Variants in NLRP1 observed in about 807,000 individuals in gnomAD.
NLRP1 encodes NLR family pyrin domain containing 1, also known as NACHT, LRR and PYD domains-containing protein 1.
Under a neutral mutation model 136.7 loss-of-function variants are expected in NLRP1, and 94 were observed. That is an observed-to-expected ratio of 0.69 (90% confidence interval 0.58 to 0.82). The LOEUF (loss-of-function observed/expected upper bound fraction) is 0.82, where lower values mean the gene tolerates loss of function less well. NLRP1 is among the 40% of genes least tolerant of loss of function. The pLI is 0.00. For missense variants in NLRP1, 1,575 were observed against 1,802.7 expected (o/e 0.87, Z 2.29); for synonymous variants, 690 against 725.1 (o/e 0.95, Z 0.78).
intron 12 of NLRP1, among the ~76,000 whole-genome samples, chr17:5,523,307 A>G (rs1909130155): frequency 6.6e-6 from 1 of 152,060 alleles, no homozygotes. Flanking sequence ...ACAAAAAACA[A>G]AAAACAAAAT....
At position 5,583,501 on chromosome 17, in the gene NLRP1, C is replaced by G. The variant is rs199476207; in HGVS notation, c.271+186G>C. On this transcript the variant is annotated intron_variant, in intron 1 of 16. Transcript: ENST00000572272. This position sits in a 1 kb window ranked among gnomAD's most constrained non-coding sequence, Gnocchi z 4.5. ...TGGGGCTCTGAGGTGCAGCAAGGGC[C>G]CCCCCAGCAAGCCTCCTGGCTCCAG... is the stretch of plus-strand genomic sequence containing the variant. Among the ~76,000 whole-genome samples the G allele has an allele frequency of 8.5e-5, 13 of 152,134 alleles. No individual in the cohort carries two copies. In the South Asian group the frequency reaches 2.3e-3, roughly 27 times the overall value.
At position 5,553,404 on chromosome 17, in the gene NLRP1, C is replaced by T. The variant is rs200457047; in HGVS notation, c.2510G>A (p.Cys837Tyr). The T allele has an allele frequency of 8.7e-6, 14 of 1,613,140 alleles. No homozygotes were observed. The highest frequency in any genetic ancestry group is 2.2e-5 in the East Asian group (1 of 44,886). Residue 837 changes from cysteine to tyrosine, a missense_variant, in exon 5 of 17, where the codon TGC becomes TAC. By Grantham distance (194) the Cys-to-Tyr change is radical (BLOSUM62 -2). Transcript: ENST00000572272. ...GACTCACCGCAGGGTCTCCAGGAGG[C>T]AGCGAGGGCGTCTCAGGGTCTTACA... is the stretch of plus-strand genomic sequence containing the variant. Reference protein sequence around the residue: ...SLCKTLRRPRCLLETLRLAGC... With the variant: ...SLCKTLRRPRYLLETLRLAGC...
In NLRP1 at chr17:5,521,681, T is replaced by A. The variant is rs971660228; in HGVS notation, c.3626A>T (p.Asn1209Ile). 5.6e-6 allele frequency: 9 copies of A among 1,613,318 alleles called. No individual in the cohort carries two copies. In the Admixed American group the frequency reaches 8.3e-5, roughly 15 times the overall value. ...GACTCCCAAGGGGGAGAAGCTGGGG[T>A]TTTCCAGAACTATGTGATGCAGCTC... Reference protein sequence around the residue: ...RVELHHIVLENPSFSPLGVLL... With the variant: ...RVELHHIVLEIPSFSPLGVLL... The change falls in exon 13 of 17, where the codon AAC becomes ATC. Residue 1209 changes from asparagine to isoleucine, a missense_variant. Physicochemically the swap from Asn to Ile is moderately radical, Grantham distance 149 (BLOSUM62 -3). Coordinates refer to ENST00000572272, the MANE Select transcript of NLRP1 (RefSeq NM_033004.4).
intron 3 of NLRP1, among the ~76,000 whole-genome samples, chr17:5,563,117 C>A (rs1177522790): frequency 3.9e-5 from 6 of 152,210 alleles, no homozygotes; most frequent in East Asian, 1.9e-4. Flanking sequence ...ACAAAAAAAA[C>A]CCCATCCAAA....
intron 11 of NLRP1, 80 bp downstream of exon 11, chr17:5,532,742 C>T (rs987400127): frequency 1.5e-4 from 193 of 1,314,216 alleles, no homozygotes; most frequent in South Asian, 1.9e-4. Flanking sequence ...TAGGGGGTGG[C>T]GCTGACTGTC....
At chr17:5,521,108 A>G in intron 13 of NLRP1, 96 bp from the exon 14 acceptor site, 2 of 1,289,622 alleles carry the variant, frequency 1.6e-6, no homozygotes, top group South Asian at 1.5e-5. Context: ...TTGTGTGGAC[A>G]GAGTGGGGCT....
downstream of NLRP1, among the ~76,000 whole-genome samples, chr17:5,509,256 GAGT>G (rs1010702382): frequency 6.6e-6 from 1 of 152,178 alleles, no homozygotes; most frequent in Non-Finnish European, 1.5e-5. Flanking sequence ...GCTAACCTGT[GAGT>G]AGCACTCAAT....
intron 5 of NLRP1, among the ~76,000 whole-genome samples, chr17:5,547,617 A>G (rs1912840500): frequency 1.3e-5 from 2 of 152,240 alleles, no homozygotes; most frequent in Non-Finnish European, 2.9e-5. Flanking sequence ...GCCAATGTAA[A>G]AAGAGTACAT....
At chr17:5,562,722 C>G (rs1914897421) in intron 3 of NLRP1, among the ~76,000 whole-genome samples, 1 of 152,180 alleles carries the variant, frequency 6.6e-6, no homozygotes, top group African/African-American at 2.4e-5. Flanking sequence ...GCCATGAAAA[C>G]TAAGGCAAAG....
rs777863128 is a variant in NLRP1 at position 5,560,254 on chromosome 17, G to GAA, written c.653-212_653-211insTT. Among the ~76,000 whole-genome samples, 415 of 152,342 alleles carry GAA rather than the reference G, an allele frequency of 2.7e-3. 4 individuals are homozygous for GAA. Among genetic ancestry groups the GAA allele is most frequent in the Middle Eastern group, 6.8e-3 (2 of 294 alleles). On this transcript the variant is annotated intron_variant, in intron 3 of 16. Coordinates refer to ENST00000572272, the MANE Select transcript of NLRP1 (RefSeq NM_033004.4). Reference sequence around the variant, plus strand: ...CTCAACTAAGTCACACTCCCTGAATGACTTTCCTTCACTGAATATTTATCA... The same window carrying GAA: ...CTCAACTAAGTCACACTCCCTGAATGAAACTTTCCTTCACTGAATATTTATCA...
intron 12 of NLRP1, among the ~76,000 whole-genome samples, chr17:5,526,187 A>C (rs1033568446): frequency 6.6e-6 from 1 of 152,110 alleles, no homozygotes; most frequent in Non-Finnish European, 1.5e-5. Flanking sequence ...TATGTTGCCC[A>C]GGCTTGTCTC....
At chr17:5,508,135 G>GAA (rs58304391) in intron 15 of NLRP1, among the ~76,000 whole-genome samples, 231 of 141,174 alleles carry the variant, frequency 1.6e-3, no homozygotes, top group African/African-American at 5.0e-3. Context: ...CTCGGTCTCA[G>GAA]AAAAAAAAAA....
At chr17:5,527,025 G>A (rs907879826) in intron 12 of NLRP1, among the ~76,000 whole-genome samples, 3 of 152,206 alleles carry the variant, frequency 2.0e-5, no homozygotes, top group African/African-American at 7.2e-5. Context: ...ATGAACAGCT[G>A]CAGCCCAGAC....
At chr17:5,577,807 T>G (rs542422126) in intron 3 of NLRP1, among the ~76,000 whole-genome samples, 3 of 152,242 alleles carry the variant, frequency 2.0e-5, no homozygotes, top group Non-Finnish European at 4.4e-5. Context: ...GCCAAGACAA[T>G]CCTAAGCCAA....
rs201333852 is a variant in NLRP1, at chr17:5,582,850, C to T, written c.272-4G>A. The T allele has an allele frequency of 4.4e-6, 7 of 1,600,006 alleles. No individual in the cohort carries two copies. The highest frequency in any genetic ancestry group is 2.3e-5 in the South Asian group (2 of 88,352). The stretch of plus-strand genomic sequence containing the variant: ...TAGGGGAATGAGGGAGAGTGGCCTA[C>T]AGGAAAGAGACAAAGAGGTTGGAGA... On this transcript the variant is annotated splice_region_variant and splice_polypyrimidine_tract_variant and intron_variant, in intron 1 of 16. Transcript: ENST00000572272.
Position 5,514,613 on chromosome 17 carries a change from A to G in NLRP1, c.*141T>C. Reference sequence around the variant, plus strand: ...TCCCTGGCATGGACACATAATGCCCAGCAAAGGCATCATCAAAGTTCCATT... The same window carrying G: ...TCCCTGGCATGGACACATAATGCCCGGCAAAGGCATCATCAAAGTTCCATT... On this transcript the variant is annotated 3_prime_UTR_variant, in exon 17 of 17. Coordinates refer to ENST00000572272, the MANE Select transcript of NLRP1 (RefSeq NM_033004.4). 1 of 1,469,688 alleles carries G rather than the reference A, an allele frequency of 6.8e-7. No homozygotes were observed. 91.0% of individuals were successfully genotyped at this position (1,469,688 alleles called of 1,614,324 possible).
At chr17:5,524,795 T>C (rs1295921012) in intron 12 of NLRP1, among the ~76,000 whole-genome samples, 1 of 152,216 alleles carries the variant, frequency 6.6e-6, no homozygotes, top group Non-Finnish European at 1.5e-5. Context: ...ACTTGAATTT[T>C]TGCTGAATTC....
chr17:5,564,559 T>C (rs1915111538), intron 3 of NLRP1, among the ~76,000 whole-genome samples: 2 of 152,158 alleles, frequency 1.3e-5, no homozygotes, highest in Admixed American at 6.5e-5. Flanking sequence ...GAATAGTATG[T>C]ATATGCACCA....
At chr17:5,535,160 C>A (rs970947743) in intron 8 of NLRP1, among the ~76,000 whole-genome samples, 2 of 151,860 alleles carry the variant, frequency 1.3e-5, no homozygotes, top group African/African-American at 4.8e-5. Flanking sequence ...GCAGAGGTTA[C>A]AGTGAGCCGA....
Sources: gnomAD v4.1 joint callset for allele counts (sites outside exome capture counted in the v4.1 genomes callset) on GRCh38, gnomAD v4.1.1 for gene constraint, Gnocchi (gnomAD v3.1) non-coding constraint, MANE v1.5 for transcripts, NCBI Gene and HGNC (gene_info 2026-07-23, HGNC 2026-07-21) for gene names.